The following EDN3 variants were observed in gnomAD, a reference collection of about 807,000 sequenced individuals.
EDN3 encodes endothelin-3.
A neutral mutation model predicts 21.4 loss-of-function variants in EDN3; 9 were observed. That is an observed-to-expected ratio of 0.42 (90% CI 0.25 to 0.73). EDN3 has a LOEUF of 0.73. Among genes scored for constraint, EDN3 ranks in the 30% least tolerant of loss-of-function variants. The pLI is 0.26. For missense variants in EDN3, 327 were observed against 309.4 expected, an observed-to-expected ratio of 1.06 and a Z score of -0.43; for synonymous variants, 133 against 126.2, an observed-to-expected ratio of 1.05 and a Z score of -0.36.
chr20:59,318,946 C>CAG (rs1990359148), intron 2 of EDN3, among the ~76,000 whole-genome samples: 1 of 152,200 alleles, frequency 6.6e-6, no homozygotes, highest in Admixed American at 6.5e-5. Flanking sequence ...TGTCAACACT[C>CAG]AGAGATTTAA....
Position 59,301,452 on chromosome 20 carries a change from G to C in EDN3, c.95G>C (p.Gly32Ala), listed in dbSNP as rs1414219011. ...CSQSGDAGRR[G>A]VSQAPTAARS... ...CAGTCTGGGGATGCTGGCAGGCGCG[G>C]CGTGTCCCAGGCCCCCACTGCAGCC... The change falls in exon 2 of 5, where the codon GGC becomes GCC. Residue 32 changes from glycine (G) to alanine (A), a missense_variant. Physicochemically the swap from Gly to Ala is moderately conservative, Grantham distance 60. Coordinates refer to ENST00000337938, the MANE Select transcript of EDN3 (RefSeq NM_207034.3). 4.3e-6 allele frequency: 7 copies of C among 1,613,094 alleles called. No individual in the cohort carries two copies. The highest frequency in any genetic ancestry group is 5.1e-6 in the Non-Finnish European group (6 of 1,180,024).
intron 4 of EDN3, chr20:59,323,689 G>C: frequency 2.5e-6 from 1 of 400,282 alleles, no homozygotes; most frequent in Non-Finnish European, 4.4e-6. Context: ...AGGCTGGGAG[G>C]AGCCATAGGG....
At chr20:59,319,323 A>T (rs882345) in intron 2 of EDN3, among the ~76,000 whole-genome samples, 9 of 152,086 alleles carry the variant, frequency 5.9e-5, no homozygotes, top group Admixed American at 5.2e-4. Context: ...TTAGGTCACT[A>T]TGGGGCTTCC....
intron 2 of EDN3, among the ~76,000 whole-genome samples, chr20:59,318,540 G>A (rs577729038): frequency 2.0e-5 from 3 of 152,274 alleles, no homozygotes; most frequent in East Asian, 1.9e-4. Flanking sequence ...CTGCTGGGCC[G>A]TCAGCTTCCC....
At chr20:59,304,470 A>C (rs1489879876) in intron 2 of EDN3, among the ~76,000 whole-genome samples, 5 of 152,216 alleles carry the variant, frequency 3.3e-5, no homozygotes, top group Non-Finnish European at 5.9e-5. Flanking sequence ...TCTGGGCACG[A>C]GAAGGAGCCT....
intron 2 of EDN3, among the ~76,000 whole-genome samples, chr20:59,311,828 A>G (rs1421852938): frequency 6.6e-6 from 1 of 152,146 alleles, no homozygotes; most frequent in African/African-American, 2.4e-5. Flanking sequence ...AACACCTCTG[A>G]CAGAGCTACC....
At chr20:59,323,665 G>A (rs910375086) in intron 4 of EDN3, 15 of 399,808 alleles carry the variant, frequency 3.8e-5, no homozygotes, top group African/African-American at 2.9e-4. Flanking sequence ...TTTCTCACCA[G>A]GTGACCTGAA....
chr20:59,324,263 A>G, intron 4 of EDN3, 68 bp from the exon 5 acceptor site: 2 of 1,603,358 alleles, frequency 1.2e-6, no homozygotes, highest in Non-Finnish European at 1.7e-6. Context: ...AGCTTCACAG[A>G]ACTACAGAGC....
chr20:59,310,685 A>G (rs985952290), intron 2 of EDN3, among the ~76,000 whole-genome samples: 5 of 152,318 alleles, frequency 3.3e-5, no homozygotes, highest in East Asian at 3.9e-4. Context: ...CAGAACAGTC[A>G]GGGAGGCCTG....
At chr20:59,323,617 G>T in intron 4 of EDN3, 1 of 399,694 alleles carries the variant, frequency 2.5e-6, no homozygotes, top group East Asian at 3.6e-5. Context: ...GAAGCGTGGG[G>T]TGGTTGCAGT....
Position 59,324,690 on chromosome 20 carries a change from C to G in EDN3, c.*231C>G, listed in dbSNP as rs1475761997. On this transcript the variant is annotated 3_prime_UTR_variant, in exon 5 of 5. Coordinates refer to ENST00000337938, the MANE Select transcript of EDN3 (RefSeq NM_207034.3). ...CCAGATGTGCCCCAGAGCATGACGC[C>G]TGCAGCTCCGGTTTCATGCAGGAAA... 5 of 599,836 alleles carry G rather than the reference C, an allele frequency of 8.3e-6. No individual in the cohort carries two copies. The Admixed American group carries it at 1.5e-4, about 18-fold the overall frequency. The allele number at this position is 599,836 out of a possible 1,614,324, so 37.2% of individuals were successfully genotyped here.
At chr20:59,313,440 C>T (rs1989964882) in intron 2 of EDN3, among the ~76,000 whole-genome samples, 1 of 152,092 alleles carries the variant, frequency 6.6e-6, no homozygotes. Flanking sequence ...GGATAATGCT[C>T]AGTATTCTTT....
In EDN3 at chr20:59,300,660, C is replaced by T; in HGVS notation, c.-153C>T. 1.4e-6 allele frequency: 1 copy of T among 725,652 alleles called. No homozygotes were observed. Among genetic ancestry groups the T allele is most frequent in the East Asian group, 2.7e-5 (1 of 36,678 alleles). 45.0% of individuals were successfully genotyped at this position (725,652 alleles called of 1,614,324 possible). A position where few individuals can be genotyped will look rare whatever the true frequency, so the allele number is the denominator to read the frequency against. On this transcript the variant is annotated 5_prime_UTR_variant, in exon 1 of 5. Transcript: ENST00000337938. ...GAAAGTTTATGACCGCCGCAGCCAA[C>T]TCCTGGCCGGAGCTGGAGACGCAGC... is the stretch of plus-strand genomic sequence containing the variant.
chr20:59,318,559 G>A (rs935516162), intron 2 of EDN3, among the ~76,000 whole-genome samples: 4 of 152,136 alleles, frequency 2.6e-5, no homozygotes, highest in South Asian at 2.1e-4. Flanking sequence ...CCTCACCTCC[G>A]CACGGGTCGG....
rs11570342 is a variant in EDN3, at chr20:59,321,439, G to A, written c.542+246G>A. On this transcript the variant is annotated intron_variant, in intron 3 of 4. Coordinates refer to ENST00000337938, the MANE Select transcript of EDN3 (RefSeq NM_207034.3). ...TTGGAACAGAAGCTTCACAGTGGCC[G>A]TGGCTACATCTGGTTTCCAGACATA... 1.2e-4 allele frequency among the ~76,000 whole-genome samples: 18 copies of A among 152,324 alleles called. 1 individual carries two copies. Among genetic ancestry groups the A allele is most frequent in the East Asian group, 1.2e-3 (6 of 5,176 alleles).
chr20:59,317,954 C>T (rs554249611), intron 2 of EDN3, among the ~76,000 whole-genome samples: 50 of 152,292 alleles, frequency 3.3e-4, no homozygotes, highest in African/African-American at 1.2e-3. Context: ...AGAAACACTG[C>T]AACTCTGGGC....
At chr20:59,303,334 A>C (rs189382331) in intron 2 of EDN3, among the ~76,000 whole-genome samples, 1 of 152,288 alleles carries the variant, frequency 6.6e-6, no homozygotes, top group East Asian at 1.9e-4. Context: ...TCTTATCCTC[A>C]GATAGCGAGG....
intron 2 of EDN3, among the ~76,000 whole-genome samples, chr20:59,302,138 AAATTCCTTGAAAGCATC>A (rs1989093158): frequency 6.6e-6 from 1 of 152,188 alleles, no homozygotes; most frequent in Non-Finnish European, 1.5e-5. Context: ...AAGGGGTTTA[AAATTCCTTGAAAGCATC>A]CTGGTCTCCA....
At chr20:59,303,439 A>G (rs1483047421) in intron 2 of EDN3, among the ~76,000 whole-genome samples, 1 of 152,204 alleles carries the variant, frequency 6.6e-6, no homozygotes, top group Non-Finnish European at 1.5e-5. Context: ...ACTTCATAGA[A>G]TGGAGGGCAC....
Sources: gnomAD v4.1 joint callset for allele counts (sites outside exome capture counted in the v4.1 genomes callset) on GRCh38, gnomAD v4.1.1 for gene constraint, MANE v1.5 for transcripts, NCBI Gene and HGNC (gene_info 2026-07-23, HGNC 2026-07-21) for gene names.